Variants in CAPRIN1 observed in about 807,000 individuals in gnomAD.
CAPRIN1 encodes caprin-1.
A neutral mutation model predicts 100.9 loss-of-function variants in CAPRIN1; 29 were observed. The observed-to-expected ratio is 0.29, with a 90% CI of 0.21 to 0.39. The LOEUF (loss-of-function observed/expected upper bound fraction) is 0.39. Among genes scored for constraint, CAPRIN1 ranks in the 10% least tolerant of loss-of-function variants. The probability of loss-of-function intolerance (pLI) is 1.00; values close to 1 mark genes in which losing one functional copy is unlikely to be tolerated. For missense variants in CAPRIN1, 795 were observed against 876.7 expected, an observed-to-expected ratio of 0.91 and a Z score of 1.18; for synonymous variants, 338 against 307.5, an observed-to-expected ratio of 1.10 and a Z score of -1.04.
Position 34,101,244 on chromosome 11 carries a change from C to T in CAPRIN1, c.*1877C>T, listed in dbSNP as rs116805892. Reference sequence around the variant, plus strand: ...ATTTTTTTGCTAGCACCTCCCCTTGCGTGCTTTAAATGACATCTGCCTGGG... The same window carrying T: ...ATTTTTTTGCTAGCACCTCCCCTTGTGTGCTTTAAATGACATCTGCCTGGG... On this transcript the variant is annotated 3_prime_UTR_variant, in exon 19 of 19. Coordinates refer to ENST00000341394, the MANE Select transcript of CAPRIN1 (RefSeq NM_005898.5). The T allele has an allele frequency of 5.6e-4, 86 of 152,290 alleles. No individual in the cohort carries two copies. The highest frequency in any genetic ancestry group is 1.9e-3 in the African/African-American group (80 of 41,554). 9.4% of individuals were successfully genotyped at this position (152,290 alleles called of 1,614,324 possible).
At chr11:34,094,019 A>G (rs1208348452) in intron 15 of CAPRIN1, among the ~76,000 whole-genome samples, 1 of 152,192 alleles carries the variant, frequency 6.6e-6, no homozygotes, top group Non-Finnish European at 1.5e-5. Flanking sequence ...GAAACTATAT[A>G]TATGTGTATT....
At chr11:34,057,525 T>C (rs1850477595) in intron 2 of CAPRIN1, among the ~76,000 whole-genome samples, 1 of 152,230 alleles carries the variant, frequency 6.6e-6, no homozygotes, top group Non-Finnish European at 1.5e-5. Context: ...TGCCAAAATT[T>C]TATGTAATTA....
chr11:34,098,259 A>G (rs997301918), intron 18 of CAPRIN1: 28 of 985,828 alleles, frequency 2.8e-5, no homozygotes, highest in South Asian at 9.3e-5. Flanking sequence ...GGAATTTGCA[A>G]TGCCTTTTGG....
chr11:34,083,063 A>T, intron 9 of CAPRIN1, 22 bp downstream of exon 9: 3 of 1,551,374 alleles, frequency 1.9e-6, no homozygotes, highest in Non-Finnish European at 2.7e-6. Context: ...CTGTATTGCA[A>T]AGTTGTTGTC....
At chr11:34,079,128 C>T (rs1006371749) in intron 6 of CAPRIN1, among the ~76,000 whole-genome samples, 7 of 152,112 alleles carry the variant, frequency 4.6e-5, no homozygotes, top group South Asian at 4.1e-4. Flanking sequence ...AAGTTCAGGC[C>T]GGGCATGGTG....
chr11:34,082,270 C>T (rs1010144299), intron 7 of CAPRIN1, among the ~76,000 whole-genome samples: 1 of 152,078 alleles, frequency 6.6e-6, no homozygotes, highest in Non-Finnish European at 1.5e-5. Flanking sequence ...TCACTGCAAC[C>T]TCCATCTCCC....
chr11:34,081,830 G>C (rs1222933382), intron 7 of CAPRIN1, among the ~76,000 whole-genome samples: 1 of 151,046 alleles, frequency 6.6e-6, no homozygotes. Context: ...GGGGACAGGG[G>C]GCACTGAGTC....
intron 2 of CAPRIN1, among the ~76,000 whole-genome samples, chr11:34,064,936 T>G (rs1457217218): frequency 1.3e-5 from 2 of 151,244 alleles, no homozygotes; most frequent in Non-Finnish European, 2.9e-5. Flanking sequence ...ACTTCCAAAT[T>G]AAAGCTGCTG....
At chr11:34,099,129 T>G (rs974900764) in intron 18 of CAPRIN1, 174 bp from the exon 19 acceptor site, 8 of 1,437,804 alleles carry the variant, frequency 5.6e-6, no homozygotes, top group Non-Finnish European at 7.3e-6. Context: ...TGAGCAAATT[T>G]GCGCATGACA....
intron 15 of CAPRIN1, among the ~76,000 whole-genome samples, chr11:34,095,059 T>TC (rs1851342639): frequency 6.6e-6 from 1 of 151,994 alleles, no homozygotes; most frequent in Admixed American, 6.6e-5. Flanking sequence ...ATTTTTTGTA[T>TC]TTTGTTGTTG....
chr11:34,090,628 C>T lies in CAPRIN1; in HGVS notation c.1504C>T (p.His502Tyr). 6.2e-7 allele frequency: 1 copy of T among 1,614,184 alleles called. No homozygotes were observed. Among genetic ancestry groups the T allele is most frequent in the Non-Finnish European group, 8.5e-7 (1 of 1,180,018 alleles). ...VFQAGTSKPL[H>Y]SSGINVNAAP... ...TCAGGCTGGGACAAGCAAACCTTTA[C>T]ATAGCAGTGGAATCAATGTAAATGC... The change falls in exon 14 of 19, where the codon CAT becomes TAT. Residue 502 changes from histidine (H) to tyrosine (Y), a missense_variant. Coordinates refer to ENST00000341394, the MANE Select transcript of CAPRIN1 (RefSeq NM_005898.5).
Position 34,086,071 on chromosome 11 carries a change from A to G in CAPRIN1, c.974A>G (p.Asn325Ser). 6.2e-7 allele frequency: 1 copy of G among 1,613,332 alleles called. No homozygotes were observed. The highest frequency in any genetic ancestry group is 1.1e-5 in the South Asian group (1 of 90,982). Residue 325 changes from asparagine (N) to serine (S), a missense_variant, in exon 10 of 19, where the codon AAT (asparagine) becomes AGT (serine). Physicochemically the swap from Asn to Ser is conservative, Grantham distance 46 (BLOSUM62 1). This residue lies in a region of CAPRIN1 where 648 missense variants were observed against 697.9 expected (regional missense o/e 0.93). Coordinates refer to ENST00000341394, the MANE Select transcript of CAPRIN1 (RefSeq NM_005898.5). Reference sequence around the variant, plus strand: ...CTTTTTTTTCTACCTTAGGTGGTAAATTCACTCCAGCAGCAACCTCAGGCT... The same window carrying G: ...CTTTTTTTTCTACCTTAGGTGGTAAGTTCACTCCAGCAGCAACCTCAGGCT... Reference protein sequence around the residue: ...EWTVETVEVVNSLQQQPQAAS... With the variant: ...EWTVETVEVVSSLQQQPQAAS...
chr11:34,098,767 T>G, intron 18 of CAPRIN1: 1 of 985,262 alleles, frequency 1.0e-6, no homozygotes, highest in Non-Finnish European at 1.2e-6. Flanking sequence ...AAATCTGTTT[T>G]AACAGCATGT....
At chr11:34,060,828 A>G (rs1477743920) in intron 2 of CAPRIN1, among the ~76,000 whole-genome samples, 5 of 152,228 alleles carry the variant, frequency 3.3e-5, no homozygotes, top group Non-Finnish European at 1.5e-5. Context: ...CAAGGAATGT[A>G]TTAATATAAA....
intron 15 of CAPRIN1, among the ~76,000 whole-genome samples, chr11:34,093,592 C>T (rs903221396): frequency 6.6e-6 from 1 of 152,116 alleles, no homozygotes; most frequent in Non-Finnish European, 1.5e-5. Context: ...TCTTACACAT[C>T]CTGTAGTATT....
chr11:34,077,921 G>A (rs1850937605), intron 6 of CAPRIN1, among the ~76,000 whole-genome samples: 1 of 152,060 alleles, frequency 6.6e-6, no homozygotes, highest in Non-Finnish European at 1.5e-5. Context: ...ATATGTATAA[G>A]CTTGTTAACT....
chr11:34,064,009 C>T (rs1418359885), intron 2 of CAPRIN1, among the ~76,000 whole-genome samples: 7 of 152,154 alleles, frequency 4.6e-5, no homozygotes, highest in Non-Finnish European at 8.8e-5. Flanking sequence ...CTCAGGTGAT[C>T]CACCTGTCTC....
chr11:34,089,604 T>C, intron 12 of CAPRIN1, 148 bp downstream of exon 12: 1 of 379,514 alleles, frequency 2.6e-6, no homozygotes, highest in Middle Eastern at 4.3e-4. Flanking sequence ...CCATCTCTAT[T>C]TTAAAAAAAT....
intron 2 of CAPRIN1, among the ~76,000 whole-genome samples, chr11:34,063,612 C>A (rs2134092559): frequency 6.6e-6 from 1 of 152,296 alleles, no homozygotes; most frequent in East Asian, 1.9e-4. Context: ...CCATGATTCC[C>A]CCTTAAAGAC....
Sources: gnomAD v4.1 joint callset for allele counts (sites outside exome capture counted in the v4.1 genomes callset) on GRCh38, gnomAD v4.1.1 for gene constraint, gnomAD v4.1.1 regional missense constraint, MANE v1.5 for transcripts, NCBI Gene and HGNC (gene_info 2026-07-23, HGNC 2026-07-21) for gene names.